The following OTOGL variants were observed in gnomAD, a reference collection of about 807,000 sequenced individuals.
OTOGL encodes otogelin like, also known as otogelin-like protein.
OTOGL carries 285 observed loss-of-function variants against 318.5 expected under a neutral mutation model. The ratio of observed to expected loss-of-function variants is 0.89; its 90% CI spans 0.81 to 0.99. The LOEUF is 0.99. OTOGL is among the 50% of genes least tolerant of loss of function. The probability of loss-of-function intolerance (pLI) is 0.00; values close to 1 mark genes in which losing one functional copy is unlikely to be tolerated. For synonymous variants in OTOGL, 987 were observed against 936.5 expected (o/e 1.05, Z -0.99); for missense variants, 2,899 against 2,845.6 (o/e 1.02, Z -0.43).
chr12:80,172,025 A>C (rs918222340), intron 1 of OTOGL, among the ~76,000 whole-genome samples: 1 of 152,128 alleles, frequency 6.6e-6, no homozygotes, highest in Admixed American at 6.5e-5. Context: ...TACTGCTTTA[A>C]CTGCTTCTCA....
At chr12:80,134,862 C>T (rs2137127292) in intron 1 of OTOGL, among the ~76,000 whole-genome samples, 1 of 152,284 alleles carries the variant, frequency 6.6e-6, no homozygotes, top group African/African-American at 2.4e-5. Context: ...CTCTGCATAT[C>T]AGATTTTTCT....
chr12:80,124,733 C>T (rs1011885203), intron 1 of OTOGL, among the ~76,000 whole-genome samples: 1 of 152,056 alleles, frequency 6.6e-6, no homozygotes, highest in Non-Finnish European at 1.5e-5. Flanking sequence ...GTTTGTAGTT[C>T]TCCTTGAAGA....
chr12:80,206,460 C>A (rs1050538379), intron 1 of OTOGL, among the ~76,000 whole-genome samples: 1 of 152,124 alleles, frequency 6.6e-6, no homozygotes, highest in African/African-American at 2.4e-5. Context: ...AAAGCTTGCT[C>A]TATCTATAAA....
chr12:80,237,831 C>T (rs1880001662), intron 9 of OTOGL, among the ~76,000 whole-genome samples: 1 of 152,148 alleles, frequency 6.6e-6, no homozygotes, highest in African/African-American at 2.4e-5. Context: ...GAGTGGCAAA[C>T]ATTTGGCTGG....
intron 15 of OTOGL, 28 bp from the exon 16 acceptor site, chr12:80,255,008 CTTTT>C: frequency 7.1e-7 from 1 of 1,408,028 alleles, no homozygotes; most frequent in South Asian, 1.7e-5. Context: ...ACCTCCTTTT[CTTTT>C]TCTTTGTTTT....
At position 80,212,095 on chromosome 12, in the gene OTOGL, TA is replaced by T. The variant is rs2137314008; in HGVS notation, c.168+102del. Reference sequence around the variant, plus strand: ...ACAATGAGACCTTTGTGGAGGGGAATAAAATGCTAAGAACAAGACAGGAAGG... The same window carrying T: ...ACAATGAGACCTTTGTGGAGGGGAATAAATGCTAAGAACAAGACAGGAAGG... On this transcript the variant is annotated intron_variant, in intron 4 of 58. Transcript: ENST00000547103. 5 of 1,220,818 alleles carry T rather than the reference TA, an allele frequency of 4.1e-6. No homozygotes were observed. In the East Asian group the frequency reaches 1.3e-4, roughly 31 times the overall value. The allele number at this position is 1,220,818 out of a possible 1,614,324, so 75.6% of individuals were successfully genotyped here.
intron 1 of OTOGL, among the ~76,000 whole-genome samples, chr12:80,124,974 T>C (rs1026747854): frequency 1.1e-4 from 17 of 152,246 alleles, no homozygotes; most frequent in African/African-American, 4.1e-4. Context: ...CACAATCATG[T>C]CATCTGCAAA....
At chr12:80,124,658 C>T (rs1431416710) in intron 1 of OTOGL, among the ~76,000 whole-genome samples, 4 of 152,100 alleles carry the variant, frequency 2.6e-5, no homozygotes, top group Non-Finnish European at 5.9e-5. Context: ...TATTGATTCT[C>T]CCTACCCATG....
In OTOGL at chr12:80,222,077, C is replaced by T. The variant is rs1199006817; in HGVS notation, c.335-14C>T. On this transcript the variant is annotated splice_polypyrimidine_tract_variant and intron_variant, in intron 6 of 58. Coordinates refer to ENST00000547103, the MANE Select transcript of OTOGL (RefSeq NM_001378609.3). ...TTTATTTTGCCTACAAAATATTATC[C>T]TGTTTCTTTTCAGTCCCAAACATGG... is the stretch of plus-strand genomic sequence containing the variant. The T allele has an allele frequency of 1.9e-6, 3 of 1,590,014 alleles. No homozygotes were observed. Among genetic ancestry groups the T allele is most frequent in the Admixed American group, 3.4e-5 (2 of 58,916 alleles).
intron 1 of OTOGL, among the ~76,000 whole-genome samples, chr12:80,196,878 G>A (rs533106753): frequency 1.1e-4 from 17 of 152,132 alleles, no homozygotes; most frequent in Non-Finnish European, 2.4e-4. Context: ...ACTGGTTAAG[G>A]CCATGAGGGG....
At chr12:80,179,076 C>T (rs1874734328) in intron 1 of OTOGL, among the ~76,000 whole-genome samples, 1 of 151,732 alleles carries the variant, frequency 6.6e-6, no homozygotes, top group Admixed American at 6.6e-5. Flanking sequence ...GGAAAGGAGA[C>T]TGGCTTGGTT....
In OTOGL at chr12:80,371,961, C is replaced by T. The variant is rs1037336; in HGVS notation, c.6736-58C>T. The T allele has an allele frequency of 0.93, 1,060,866 of 1,145,060 alleles. 491,857 individuals are homozygous for T. Among genetic ancestry groups the T allele is most frequent in the East Asian group, 1 (36,326 of 36,332 alleles). The allele number at this position is 1,145,060 out of a possible 1,614,324, so 70.9% of individuals were successfully genotyped here. Reference sequence around the variant, plus strand: ...AAAAGTTAGTTTTCTTTTTCTAGTACAAGAGAACATGGAAGAACACCATAT... The same window carrying T: ...AAAAGTTAGTTTTCTTTTTCTAGTATAAGAGAACATGGAAGAACACCATAT... On this transcript the variant is annotated intron_variant, in intron 56 of 58. Coordinates refer to ENST00000547103, the MANE Select transcript of OTOGL (RefSeq NM_001378609.3).
Position 80,226,276 on chromosome 12 carries a change from T to C in OTOGL, c.490-2981T>C, listed in dbSNP as rs191143157. 7.9e-5 allele frequency among the ~76,000 whole-genome samples: 12 copies of C among 151,836 alleles called. No homozygotes were observed. The East Asian group carries it at 2.3e-3, about 29-fold the overall frequency. ...TGTCACCATTTTTGGTTAAATAATT[T>C]ATATTTTTTATATTATTGTCACTAT... On this transcript the variant is annotated intron_variant, in intron 7 of 58. Transcript: ENST00000547103.
At chr12:80,366,938 TA>T (rs557524283) in intron 53 of OTOGL, among the ~76,000 whole-genome samples, 44 of 152,096 alleles carry the variant, frequency 2.9e-4, no homozygotes, top group African/African-American at 9.9e-4. Flanking sequence ...TATAGGCATC[TA>T]AAAAGTATGA....
At position 80,279,056 on chromosome 12, in the gene OTOGL, A is replaced by G; in HGVS notation, c.2818A>G (p.Thr940Ala). The part of the protein sequence containing the change: ...CVCRRGMFNC[T>A]YYPCPAVCTI... ...TTGTCGACGAGGAATGTTCAATTGC[A>G]CATATTATCCATGCCCAGCAGTGTG... The change falls in exon 26 of 59, where the codon ACA (threonine) becomes GCA (alanine). Residue 940 changes from threonine (T) to alanine (A), a missense_variant. By Grantham distance (58) the Thr-to-Ala change is moderately conservative. Transcript: ENST00000547103. 1 of 1,595,172 alleles carries G rather than the reference A, an allele frequency of 6.3e-7. No homozygotes were observed.
intron 26 of OTOGL, among the ~76,000 whole-genome samples, chr12:80,285,596 A>G (rs1203472513): frequency 6.6e-6 from 1 of 151,980 alleles, no homozygotes; most frequent in East Asian, 1.9e-4. Context: ...CTTCACATAC[A>G]TTGTAAGTTG....
chr12:80,279,007 ACT>A lies in OTOGL; in HGVS notation c.2790-20_2790-19del. ...TTAGAGTCGTTTCTTTAGAAAGGTA[ACT>A]TTTGTTATTTTTTAATAGCGTTTGT... On this transcript the variant is annotated intron_variant, in intron 25 of 58. Transcript: ENST00000547103. 1 of 1,585,092 alleles carries A rather than the reference ACT, an allele frequency of 6.3e-7. No individual in the cohort carries two copies. Among genetic ancestry groups the A allele is most frequent in the Admixed American group, 1.7e-5 (1 of 59,314 alleles).
At chr12:80,168,828 A>G (rs992181030) in intron 1 of OTOGL, among the ~76,000 whole-genome samples, 2 of 152,228 alleles carry the variant, frequency 1.3e-5, no homozygotes, top group African/African-American at 4.8e-5. Context: ...TTTGGTGAAC[A>G]GAACCTTCTC....
Position 80,354,280 on chromosome 12 carries a change from T to C in OTOGL, c.5593+770T>C, listed in dbSNP as rs1184746228. Among the ~76,000 whole-genome samples the C allele has an allele frequency of 2.0e-4, 31 of 152,154 alleles. 1 individual carries two copies. The highest frequency in any genetic ancestry group is 1.5e-5 in the Non-Finnish European group (1 of 68,024). The stretch of plus-strand genomic sequence containing the variant: ...TGTCCACTTCTTTGACCTTCTGCCA[T>C]AGTACAAGGCAGGAGAAAAACCCTC... On this transcript the variant is annotated intron_variant, in intron 46 of 58. Transcript: ENST00000547103.
Sources: allele counts gnomAD v4.1 joint callset (sites outside exome capture counted in the v4.1 genomes callset), GRCh38; gene constraint gnomAD v4.1.1; transcripts MANE v1.5; gene names NCBI Gene and HGNC (gene_info 2026-07-23, HGNC 2026-07-21).